The following PLEKHB2 variants were observed in gnomAD, a reference collection of about 807,000 sequenced individuals.
PLEKHB2 encodes pleckstrin homology domain containing B2.
A neutral mutation model predicts 36.5 loss-of-function variants in PLEKHB2; 31 were observed. The ratio of observed to expected loss-of-function variants is 0.85; its 90% CI spans 0.64 to 1.15. The LOEUF (loss-of-function observed/expected upper bound fraction) is 1.15, where lower values mean the gene tolerates loss of function less well. Among genes scored for constraint, PLEKHB2 ranks in the 50% most tolerant of loss-of-function variants. PLEKHB2 has a pLI of 0.00. For synonymous variants in PLEKHB2, 119 were observed against 112.0 expected, an observed-to-expected ratio of 1.06 and a Z score of -0.39; for missense variants, 262 against 295.3, an observed-to-expected ratio of 0.89 and a Z score of 0.83.
chr2:131,142,883 C>T (rs879768997), intron 7 of PLEKHB2, among the ~76,000 whole-genome samples: 3 of 152,072 alleles, frequency 2.0e-5, no homozygotes, highest in African/African-American at 4.8e-5. Flanking sequence ...TTTCTCCCCC[C>T]CAACTAGACT....
At chr2:131,119,513 T>C (rs554059490) in intron 1 of PLEKHB2, among the ~76,000 whole-genome samples, 1 of 152,328 alleles carries the variant, frequency 6.6e-6, no homozygotes, top group South Asian at 2.1e-4. Context: ...TTGGCGCGCT[T>C]CTGCAGTATG....
intron 7 of PLEKHB2, among the ~76,000 whole-genome samples, chr2:131,143,696 A>G (rs928136908): frequency 3.3e-5 from 5 of 152,082 alleles, no homozygotes; most frequent in African/African-American, 1.2e-4. Flanking sequence ...AGTTTATATC[A>G]CCTTTTATGA....
chr2:131,146,180 CAA>C (rs945508628), intron 7 of PLEKHB2, among the ~76,000 whole-genome samples: 2 of 129,850 alleles, frequency 1.5e-5, no homozygotes, highest in Non-Finnish European at 3.3e-5. Context: ...GACTCCTTCT[CAA>C]AAAAAAAAAA....
At chr2:131,110,289 A>G (rs1695161021) in intron 1 of PLEKHB2, among the ~76,000 whole-genome samples, 2 of 149,792 alleles carry the variant, frequency 1.3e-5, no homozygotes, top group Admixed American at 1.3e-4. Flanking sequence ...CCTCCCCTGT[A>G]GTACTCGGTC....
intron 7 of PLEKHB2, among the ~76,000 whole-genome samples, chr2:131,140,820 G>A (rs1170645592): frequency 6.6e-6 from 1 of 152,212 alleles, no homozygotes; most frequent in African/African-American, 2.4e-5. Flanking sequence ...GGGTGGAGGT[G>A]TGGGACAATG....
At chr2:131,143,547 C>T (rs1410567496) in intron 7 of PLEKHB2, among the ~76,000 whole-genome samples, 3 of 152,160 alleles carry the variant, frequency 2.0e-5, no homozygotes, top group Non-Finnish European at 2.9e-5. Flanking sequence ...AAGTTGATCC[C>T]AGAATGGTTT....
At chr2:131,121,902 T>C (rs1696553932) in intron 2 of PLEKHB2, among the ~76,000 whole-genome samples, 1 of 151,004 alleles carries the variant, frequency 6.6e-6, no homozygotes, top group Non-Finnish European at 1.5e-5. Flanking sequence ...CTGTGTTTTA[T>C]TTTTATTTAT....
chr2:131,120,989 G>A lies in PLEKHB2; in HGVS notation c.37+11G>A. ...GGTTGCTGCGACAGAGTGAGTACAGGATGTGCGGTCTGCGATCGGCATTGC... is the reference window on the plus strand; with the variant it reads ...GGTTGCTGCGACAGAGTGAGTACAGAATGTGCGGTCTGCGATCGGCATTGC... On this transcript the variant is annotated intron_variant, in intron 2 of 7. Coordinates refer to ENST00000693505, the MANE Select transcript of PLEKHB2 (RefSeq NM_001100623.2). 3.7e-6 allele frequency: 6 copies of A among 1,613,572 alleles called. No homozygotes were observed. Among genetic ancestry groups the A allele is most frequent in the Non-Finnish European group, 5.1e-6 (6 of 1,179,508 alleles).
chr2:131,126,787 G>T lies in PLEKHB2; in HGVS notation c.293+1G>T. The T allele has an allele frequency of 1.3e-6, 2 of 1,541,118 alleles. No individual in the cohort carries two copies. Among genetic ancestry groups the T allele is most frequent in the African/African-American group, 1.4e-5 (1 of 73,500 alleles). ...GTGCAGAAAGCACAGATGATTGCTT[G>T]TAAGTTTTGCTTTCTTATGTGTTTA... On this transcript the variant is annotated splice_donor_variant, in intron 4 of 7. Transcript: ENST00000693505. LOFTEE classifies it high-confidence loss of function.
rs1696094674 is a variant in PLEKHB2, at chr2:131,118,319, A to G, written c.-8-2615A>G. On this transcript the variant is annotated intron_variant, in intron 1 of 7. Transcript: ENST00000693505. ...ATGAAAAACATTTCGTTTCTTGGTA[A>G]GGACAGATAGCATGAATTGAAAAAA... is the stretch of plus-strand genomic sequence containing the variant. Among the ~76,000 whole-genome samples the G allele has an allele frequency of 2.0e-5, 3 of 152,334 alleles. No individual in the cohort carries two copies. The South Asian group carries it at 6.2e-4, about 32-fold the overall frequency.
chr2:131,123,834 C>T (rs1268234190), intron 2 of PLEKHB2, among the ~76,000 whole-genome samples: 1 of 129,728 alleles, frequency 7.7e-6, no homozygotes, highest in Non-Finnish European at 1.6e-5. Context: ...AGGCATGAGC[C>T]ACTGTGCCTG....
chr2:131,148,745 A>G lies in PLEKHB2; in HGVS notation c.*1972A>G, dbSNP rs1699474314. On this transcript the variant is annotated 3_prime_UTR_variant, in exon 8 of 8. Coordinates refer to ENST00000693505, the MANE Select transcript of PLEKHB2 (RefSeq NM_001100623.2). Reference sequence around the variant, plus strand: ...ATGGAAGGATGTCTGTTTATCTCTCATCTCTGAATAGATGTATGACAACTC... The same window carrying G: ...ATGGAAGGATGTCTGTTTATCTCTCGTCTCTGAATAGATGTATGACAACTC... 1 of 152,224 alleles carries G rather than the reference A, an allele frequency of 6.6e-6. No individual in the cohort carries two copies. Among genetic ancestry groups the G allele is most frequent in the South Asian group, 2.1e-4 (1 of 4,826 alleles). The allele number at this position is 152,224 out of a possible 1,614,324, so 9.4% of individuals were successfully genotyped here.
chr2:131,120,977 G>C lies in PLEKHB2; in HGVS notation c.36G>C (p.Gln12His). The change falls in exon 2 of 8, where the codon CAG (glutamine) becomes CAC (histidine). Residue 12 changes from glutamine (Q) to histidine (H), a missense_variant and splice_region_variant. Transcript: ENST00000693505. ...TGAAGAGTGGCTGGTTGCTGCGACA[G>C]AGTGAGTACAGGATGTGCGGTCTGC... ...AFVKSGWLLR[Q>H]STILKRWKKN... is the part of the protein sequence containing the mutation. 1 of 1,614,136 alleles carries C rather than the reference G, an allele frequency of 6.2e-7. No individual in the cohort carries two copies. The highest frequency in any genetic ancestry group is 8.5e-7 in the Non-Finnish European group (1 of 1,179,940).
chr2:131,142,538 C>T (rs1334436735), intron 7 of PLEKHB2, among the ~76,000 whole-genome samples: 1 of 145,460 alleles, frequency 6.9e-6, no homozygotes, highest in Non-Finnish European at 1.5e-5. Context: ...CCTTTTTGTT[C>T]TTATTGAATA....
chr2:131,136,943 T>C (rs1698315039), intron 6 of PLEKHB2, among the ~76,000 whole-genome samples: 1 of 150,252 alleles, frequency 6.7e-6, no homozygotes, highest in East Asian at 1.9e-4. Flanking sequence ...TTCTTTCTTT[T>C]CTTTCTTTTT....
chr2:131,109,759 C>G (rs963384714), intron 1 of PLEKHB2, among the ~76,000 whole-genome samples: 2 of 152,096 alleles, frequency 1.3e-5, no homozygotes, highest in African/African-American at 4.8e-5. Flanking sequence ...ATATATCAAT[C>G]TCTTGTCCAC....
chr2:131,123,835 A>G (rs556825390), intron 2 of PLEKHB2, among the ~76,000 whole-genome samples: 93 of 111,382 alleles, frequency 8.3e-4, no homozygotes, highest in Middle Eastern at 8.6e-3. Flanking sequence ...GGCATGAGCC[A>G]CTGTGCCTGG....
intron 6 of PLEKHB2, among the ~76,000 whole-genome samples, chr2:131,134,391 T>G (rs1698026383): frequency 6.6e-6 from 1 of 152,230 alleles, no homozygotes; most frequent in South Asian, 2.1e-4. Flanking sequence ...AGGTTAAAAC[T>G]TAACATGACA....
chr2:131,142,613 C>T (rs1698910747), intron 7 of PLEKHB2, among the ~76,000 whole-genome samples: 1 of 150,566 alleles, frequency 6.6e-6, no homozygotes, highest in Non-Finnish European at 1.5e-5. Context: ...CTCTTGTTGC[C>T]CAGGCTGTTG....
Sources: gnomAD v4.1 joint callset for allele counts (sites outside exome capture counted in the v4.1 genomes callset) on GRCh38, gnomAD v4.1.1 for gene constraint, MANE v1.5 for transcripts, NCBI Gene and HGNC (gene_info 2026-07-23, HGNC 2026-07-21) for gene names.